Variants in PDE6A observed in about 807,000 individuals in gnomAD.
PDE6A encodes the protein phosphodiesterase 6A.
In PDE6A, 84 loss-of-function variants were observed where a neutral mutation model predicts 106.3. The ratio of observed to expected loss-of-function variants is 0.79; its 90% confidence interval spans 0.66 to 0.95. The LOEUF (loss-of-function observed/expected upper bound fraction) is 0.95, where lower values mean the gene tolerates loss of function less well. PDE6A is among the 40% of genes least tolerant of loss of function. PDE6A has a pLI of 0.00. For synonymous variants in PDE6A, 394 were observed against 386.6 expected (o/e 1.02, Z -0.23); for missense variants, 1,052 against 1,084.9 (o/e 0.97, Z 0.43).
chr5:149,896,015 G>C (rs1284229505), intron 12 of PDE6A, among the ~76,000 whole-genome samples: 1 of 152,100 alleles, frequency 6.6e-6, no homozygotes, highest in African/African-American at 2.4e-5. Context: ...ATCCTGCAGG[G>C]AATGAGCCCT....
intron 1 of PDE6A, among the ~76,000 whole-genome samples, chr5:149,936,490 C>T (rs1265638031): frequency 2.0e-5 from 3 of 152,184 alleles, no homozygotes; most frequent in Admixed American, 2.0e-4. Flanking sequence ...GAAGTCATTT[C>T]AGTTTCCCAA....
At chr5:149,880,247 G>A (rs1760875785) in intron 17 of PDE6A, among the ~76,000 whole-genome samples, 1 of 152,004 alleles carries the variant, frequency 6.6e-6, no homozygotes, top group Admixed American at 6.6e-5. Context: ...TGCTTGATTT[G>A]TTTTGGAATC....
chr5:149,913,038 T>C (rs1480869904), intron 6 of PDE6A, among the ~76,000 whole-genome samples: 1 of 151,410 alleles, frequency 6.6e-6, no homozygotes, highest in Non-Finnish European at 1.5e-5. Flanking sequence ...TGTTGAAGAG[T>C]ATGCTTTTGA....
At chr5:149,931,356 T>G (rs1228355985) in intron 3 of PDE6A, among the ~76,000 whole-genome samples, 188 bp from the exon 4 acceptor site, 1 of 121,860 alleles carries the variant, frequency 8.2e-6, no homozygotes, top group Non-Finnish European at 1.8e-5. Context: ...AGTTTTTAAT[T>G]TTTTTTTTTG....
intron 21 of PDE6A, 80 bp from the exon 22 acceptor site, chr5:149,861,051 G>A (rs1180408961): frequency 2.0e-5 from 27 of 1,323,894 alleles, no homozygotes; most frequent in Non-Finnish European, 2.5e-5. Flanking sequence ...TTTGGACCAA[G>A]AGTTGCAAAC....
intron 17 of PDE6A, among the ~76,000 whole-genome samples, chr5:149,883,012 C>A (rs769035554): frequency 2.0e-5 from 3 of 152,104 alleles, no homozygotes; most frequent in Admixed American, 6.5e-5. Flanking sequence ...AAGCCGAGAT[C>A]GCACCACTAC....
intron 13 of PDE6A, among the ~76,000 whole-genome samples, chr5:149,891,245 A>G (rs1166336488): frequency 1.3e-5 from 2 of 152,128 alleles, no homozygotes; most frequent in East Asian, 3.9e-4. Context: ...CGAGGTGGGC[A>G]GATCACCTGA....
chr5:149,882,800 A>G (rs1405195842), intron 17 of PDE6A, among the ~76,000 whole-genome samples: 1 of 150,958 alleles, frequency 6.6e-6, no homozygotes, highest in Non-Finnish European at 1.5e-5. Flanking sequence ...GCTCACGCCT[A>G]TAATCCCAGC....
In PDE6A at chr5:149,886,193, G is replaced by A. The variant is rs139022399; in HGVS notation, c.1838+72C>T. 990 of 1,142,758 alleles carry A rather than the reference G, an allele frequency of 8.7e-4. 3 individuals carry two copies. In the African/African-American group the frequency reaches 0.014, roughly 16 times the overall value. 70.8% of individuals were successfully genotyped at this position (1,142,758 alleles called of 1,614,324 possible). A position where few individuals can be genotyped will look rare whatever the true frequency, so the allele number is the denominator to read the frequency against. ...ACAAGACTTCCCTGTTGGCCAGTGAGTCTGCCTGGGAGCCACACAGAGCTG... is the reference window on the plus strand; with the variant it reads ...ACAAGACTTCCCTGTTGGCCAGTGAATCTGCCTGGGAGCCACACAGAGCTG... On this transcript the variant is annotated intron_variant, in intron 14 of 21. Coordinates refer to ENST00000255266, the MANE Select transcript of PDE6A (RefSeq NM_000440.3).
At chr5:149,891,109 G>A (rs1752527556) in intron 13 of PDE6A, among the ~76,000 whole-genome samples, 1 of 152,130 alleles carries the variant, frequency 6.6e-6, no homozygotes, top group Admixed American at 6.5e-5. Flanking sequence ...TGCACTCCAT[G>A]ACTCATCATG....
intron 17 of PDE6A, among the ~76,000 whole-genome samples, chr5:149,874,837 T>C (rs1581156560): frequency 6.6e-6 from 1 of 152,074 alleles, no homozygotes; most frequent in Admixed American, 6.6e-5. Flanking sequence ...CAAACATATA[T>C]GTCTTCTTAT....
intron 4 of PDE6A, among the ~76,000 whole-genome samples, chr5:149,925,524 T>A (rs1194063704): frequency 1.3e-5 from 2 of 151,820 alleles, no homozygotes; most frequent in Non-Finnish European, 2.9e-5. Context: ...CTGGCCAATA[T>A]GACGAAACCC....
At position 149,898,426 on chromosome 5, in the gene PDE6A, A is replaced by T. The variant is rs1581180341; in HGVS notation, c.1344T>A (p.Asp448Glu). ...ESMNKLENRK[D>E]IFQDIVKYHV... ...GATATTTTACTATGTCCTGGAAAAT[A>T]TCCTTCCTATTTTCAAGTTTATTCA... The change falls in exon 10 of 22, where the codon GAT (aspartate) becomes GAA (glutamate). Residue 448 changes from aspartate to glutamate, a missense_variant. Transcript: ENST00000255266. 3 of 1,613,420 alleles carry T rather than the reference A, an allele frequency of 1.9e-6. No individual in the cohort carries two copies.
At chr5:149,881,569 T>G (rs1643598) in intron 17 of PDE6A, among the ~76,000 whole-genome samples, 149,198 of 152,204 alleles carry the variant, frequency 0.98, 73,157 homozygotes, top group East Asian at 1. Flanking sequence ...CACAAAGATG[T>G]CAACAATAGA....
At chr5:149,908,346 T>C (rs1753269030) in intron 6 of PDE6A, among the ~76,000 whole-genome samples, 3 of 152,240 alleles carry the variant, frequency 2.0e-5, no homozygotes, top group Admixed American at 2.0e-4. Flanking sequence ...GAAGAAGTAC[T>C]AAGTCATAAG....
intron 1 of PDE6A, among the ~76,000 whole-genome samples, chr5:149,939,834 G>A (rs1754280128): frequency 6.6e-6 from 1 of 152,018 alleles, no homozygotes; most frequent in Non-Finnish European, 1.5e-5. Flanking sequence ...AATACCCAGT[G>A]CGATGCCCTC....
At chr5:149,918,249 T>C (rs1409261746) in intron 5 of PDE6A, among the ~76,000 whole-genome samples, 1 of 152,202 alleles carries the variant, frequency 6.6e-6, no homozygotes. Flanking sequence ...ATGTAAGGTC[T>C]CTTATTAGGA....
At chr5:149,899,048 G>T (rs1190163331) in intron 9 of PDE6A, among the ~76,000 whole-genome samples, 1 of 151,942 alleles carries the variant, frequency 6.6e-6, no homozygotes, top group African/African-American at 2.4e-5. Flanking sequence ...TTAACTTTTT[G>T]TAGAAATAGG....
chr5:149,944,500 G>A lies in PDE6A; in HGVS notation c.174C>T (p.Ser58=), dbSNP rs776749815. 8.7e-6 allele frequency: 14 copies of A among 1,613,952 alleles called. No homozygotes were observed. Among genetic ancestry groups the A allele is most frequent in the East Asian group, 2.2e-5 (1 of 44,888 alleles). Residue 58 remains serine (S), a synonymous_variant, in exon 1 of 22, where the codon AGC becomes AGT. Coordinates refer to ENST00000255266, the MANE Select transcript of PDE6A (RefSeq NM_000440.3). ...NYHSPSSMEE[S]EIIFDLLRDF... The stretch of plus-strand genomic sequence containing the variant: ...CCCGCAGGAGATCAAAGATGATTTC[G>A]CTCTCCTCCATGCTGCTCGGGGAGT...
Sources: allele counts gnomAD v4.1 joint callset (sites outside exome capture counted in the v4.1 genomes callset), GRCh38; gene constraint gnomAD v4.1.1; transcripts MANE v1.5; gene names NCBI Gene and HGNC (gene_info 2026-07-23, HGNC 2026-07-21).